Variants in CRX observed in about 807,000 individuals in gnomAD.
CRX encodes the protein cone-rod homeobox, also known as cone-rod homeobox protein.
In CRX, 5 loss-of-function variants were observed where a neutral mutation model predicts 13.1. The observed-to-expected ratio is 0.38, with a 90% CI of 0.20 to 0.80. CRX has a LOEUF of 0.80. Ranked by LOEUF, CRX falls within the 30% of genes least tolerant of loss-of-function variation. The pLI is 0.43. For missense variants in CRX, 351 were observed against 391.8 expected, an observed-to-expected ratio of 0.90 and a Z score of 0.88; for synonymous variants, 179 against 171.1, an observed-to-expected ratio of 1.05 and a Z score of -0.36.
chr19:47,831,981 C>T (rs8107438), intron 1 of CRX, among the ~76,000 whole-genome samples: 1,654 of 143,488 alleles, frequency 0.012, 51 homozygotes, highest in African/African-American at 0.044. Flanking sequence ...TCAGGTGATC[C>T]GCCTGCTTTG....
chr19:47,841,338 C>T lies in CRX; in HGVS notation c.*1371C>T, dbSNP rs1968194228. 3 of 152,122 alleles carry T rather than the reference C, an allele frequency of 2.0e-5. No homozygotes were observed. The highest frequency in any genetic ancestry group is 7.2e-5 in the African/African-American group (3 of 41,426). 9.4% of individuals were successfully genotyped at this position (152,122 alleles called of 1,614,324 possible). Reference sequence around the variant, plus strand: ...GTATTTGGTAGGGAAATGAAAGGCACCTTGCCTGTTCCATCTCTACTCCTT... The same window carrying T: ...GTATTTGGTAGGGAAATGAAAGGCATCTTGCCTGTTCCATCTCTACTCCTT... On this transcript the variant is annotated 3_prime_UTR_variant, in exon 4 of 4. Coordinates refer to ENST00000221996, the MANE Select transcript of CRX (RefSeq NM_000554.6).
intron 1 of CRX, among the ~76,000 whole-genome samples, chr19:47,827,413 T>A (rs1188536239): frequency 6.6e-6 from 1 of 151,796 alleles, no homozygotes; most frequent in Non-Finnish European, 1.5e-5. Context: ...TAATTTTTTT[T>A]TTTTGCCTGG....
In CRX at chr19:47,839,324, G is replaced by A. The variant is rs567952341; in HGVS notation, c.257G>A (p.Trp86Ter). The change falls in exon 4 of 4, where the codon TGG becomes TAG. Residue 86 changes from tryptophan (W) to a stop codon, truncating the protein, a stop_gained. Transcript: ENST00000221996. LOFTEE classifies it low-confidence loss of function (END_TRUNC). This position sits in a 1 kb window ranked among gnomAD's most constrained non-coding sequence, Gnocchi z 4.6. ...INLPESRVQV[W>*]FKNRRAKCRQ... ...ATCTCCGCTCTTATCCCCCAGGTTT[G>A]GTTCAAGAACCGGAGGGCTAAATGC... The A allele has an allele frequency of 6.2e-7, 1 of 1,613,144 alleles. No homozygotes were observed. Among genetic ancestry groups the A allele is most frequent in the African/African-American group, 1.3e-5 (1 of 74,960 alleles).
rs1385269139 is a variant in CRX, at chr19:47,841,408, A to G, written c.*1441A>G. The G allele has an allele frequency of 6.6e-6, 1 of 152,090 alleles. No homozygotes were observed. The highest frequency in any genetic ancestry group is 2.4e-5 in the African/African-American group (1 of 41,396). 9.4% of individuals were successfully genotyped at this position (152,090 alleles called of 1,614,324 possible). On this transcript the variant is annotated 3_prime_UTR_variant, in exon 4 of 4. Coordinates refer to ENST00000221996, the MANE Select transcript of CRX (RefSeq NM_000554.6). Reference sequence around the variant, plus strand: ...TTTCTAAAGGTGAGACACTGGTGGAACTGGGGTAGCTGCTTGGGACGTACC... The same window carrying G: ...TTTCTAAAGGTGAGACACTGGTGGAGCTGGGGTAGCTGCTTGGGACGTACC...
chr19:47,824,739 T>C (rs1967954407), intron 1 of CRX, among the ~76,000 whole-genome samples: 1 of 152,150 alleles, frequency 6.6e-6, no homozygotes, highest in Non-Finnish European at 1.5e-5. Flanking sequence ...GCTGGGAACC[T>C]GGGACCCAGT....
intron 1 of CRX, among the ~76,000 whole-genome samples, chr19:47,826,201 GA>G (rs1239893912): frequency 1.3e-5 from 2 of 152,130 alleles, no homozygotes; most frequent in African/African-American, 4.8e-5. Flanking sequence ...GGGGCTGGGG[GA>G]ATAGGACCTT....
intron 1 of CRX, among the ~76,000 whole-genome samples, chr19:47,827,973 G>A (rs1967996662): frequency 6.8e-6 from 1 of 146,382 alleles, no homozygotes. Flanking sequence ...GGCCAACATG[G>A]TGAAACCCCA....
intron 1 of CRX, among the ~76,000 whole-genome samples, chr19:47,825,990 G>A (rs1967970759): frequency 6.6e-6 from 1 of 152,150 alleles, no homozygotes; most frequent in Non-Finnish European, 1.5e-5. Flanking sequence ...TGGCTTTCCT[G>A]GAAGGTTAAC....
intron 1 of CRX, among the ~76,000 whole-genome samples, chr19:47,832,107 T>G (rs1173074822): frequency 1.0e-5 from 1 of 100,236 alleles, no homozygotes; most frequent in East Asian, 2.1e-4. Context: ...AGCCTTATGT[T>G]TTTTTTTTTT....
At chr19:47,836,503 A>G (rs1306147907) in intron 3 of CRX, 109 bp downstream of exon 3, 1 of 1,424,778 alleles carries the variant, frequency 7.0e-7, no homozygotes, top group African/African-American at 1.4e-5. Flanking sequence ...TGACAGCCAA[A>G]GTTATAAAGG....
chr19:47,839,465 C>T lies in CRX; in HGVS notation c.398C>T (p.Pro133Leu). 6.2e-7 allele frequency: 1 copy of T among 1,614,060 alleles called. No homozygotes were observed. Among genetic ancestry groups the T allele is most frequent in the African/African-American group, 1.3e-5 (1 of 75,044 alleles). ...CCAAGACCCTCCACAGATGTGTGTCCAGACCCTCTGGGCATCTCAGATTCC... is the reference window on the plus strand; with the variant it reads ...CCAAGACCCTCCACAGATGTGTGTCTAGACCCTCTGGGCATCTCAGATTCC... ...TSPRPSTDVC[P>L]DPLGISDSYS... The change falls in exon 4 of 4, where the codon CCA (proline) becomes CTA (leucine). Residue 133 changes from proline (P) to leucine (L), a missense_variant. Pro to Leu is a moderately conservative substitution (Grantham distance 98). This residue lies in a region of CRX where 253 missense variants were observed against 268.3 expected (regional missense o/e 0.94). Coordinates refer to ENST00000221996, the MANE Select transcript of CRX (RefSeq NM_000554.6). The surrounding 1 kb of genome is among the most constrained non-coding windows in gnomAD (Gnocchi z 4.6).
intron 2 of CRX, among the ~76,000 whole-genome samples, chr19:47,834,980 C>A (rs11671190): frequency 1.3e-5 from 2 of 149,340 alleles, no homozygotes; most frequent in Non-Finnish European, 3.0e-5. Flanking sequence ...TGCCTAGGCC[C>A]GGGGGGCACT....
chr19:47,830,999 T>G (rs1333369123), intron 1 of CRX, among the ~76,000 whole-genome samples: 1 of 151,744 alleles, frequency 6.6e-6, no homozygotes, highest in East Asian at 1.9e-4. Flanking sequence ...CTTGTCGAAG[T>G]CTAGACTCTA....
chr19:47,843,315 T>C lies in CRX; in HGVS notation c.*3348T>C, dbSNP rs1968221814. 1 of 152,240 alleles carries C rather than the reference T, an allele frequency of 6.6e-6. No homozygotes were observed. Among genetic ancestry groups the C allele is most frequent in the South Asian group, 2.1e-4 (1 of 4,818 alleles). 9.4% of individuals were successfully genotyped at this position (152,240 alleles called of 1,614,324 possible). Reference sequence around the variant, plus strand: ...CCACAGAGTGAAACCAATTAAAATGTTGGATCTCATTTAAAGTCTGGGTGA... The same window carrying C: ...CCACAGAGTGAAACCAATTAAAATGCTGGATCTCATTTAAAGTCTGGGTGA... On this transcript the variant is annotated 3_prime_UTR_variant, in exon 4 of 4. Transcript: ENST00000221996.
intron 1 of CRX, among the ~76,000 whole-genome samples, chr19:47,827,836 T>TAAAAA (rs1156465404): frequency 1.7e-4 from 7 of 41,756 alleles, no homozygotes; most frequent in African/African-American, 7.0e-4. Flanking sequence ...GCATCTTTAT[T>TAAAAA]AAAAAAAAAA....
chr19:47,839,508 C>A lies in CRX; in HGVS notation c.441C>A (p.Pro147=), dbSNP rs147422878. The change falls in exon 4 of 4, where the codon CCC becomes CCA. Residue 147 remains proline, a synonymous_variant. Coordinates refer to ENST00000221996, the MANE Select transcript of CRX (RefSeq NM_000554.6). This position sits in a 1 kb window ranked among gnomAD's most constrained non-coding sequence, Gnocchi z 4.6. ...GISDSYSPPL[P]GPSGSPTTAV... is the part of the protein sequence containing the mutation. ...CAGATTCCTACAGTCCCCCTCTGCC[C>A]GGCCCCTCAGGCTCCCCAACCACGG... is the stretch of plus-strand genomic sequence containing the variant. The A allele has an allele frequency of 4.3e-6, 7 of 1,613,748 alleles. No homozygotes were observed. The highest frequency in any genetic ancestry group is 2.2e-5 in the East Asian group (1 of 44,878).
At chr19:47,837,236 G>T (rs1453447414) in intron 3 of CRX, among the ~76,000 whole-genome samples, 2 of 152,234 alleles carry the variant, frequency 1.3e-5, no homozygotes, top group South Asian at 2.1e-4. Flanking sequence ...GCATGATCTT[G>T]GCTCACTGCA....
At position 47,839,831 on chromosome 19, in the gene CRX, G is replaced by A; in HGVS notation, c.764G>A (p.Gly255Asp). 1 of 1,614,066 alleles carries A rather than the reference G, an allele frequency of 6.2e-7. No homozygotes were observed. The highest frequency in any genetic ancestry group is 8.5e-7 in the Non-Finnish European group (1 of 1,179,998). ...GCCCAGTCCCCCACCTCCCTATCAG[G>A]CCAGAGCTATGGCGCCTACAGCCCC... ...SLAQSPTSLSGQSYGAYSPVD... is the reference protein window; with the variant it reads ...SLAQSPTSLSDQSYGAYSPVD... The change falls in exon 4 of 4, where the codon GGC becomes GAC. Residue 255 changes from glycine to aspartate, a missense_variant. Transcript: ENST00000221996. This position sits in a 1 kb window ranked among gnomAD's most constrained non-coding sequence, Gnocchi z 4.6.
intron 1 of CRX, among the ~76,000 whole-genome samples, chr19:47,823,149 G>A (rs1967932283): frequency 6.6e-6 from 1 of 152,134 alleles, no homozygotes; most frequent in Non-Finnish European, 1.5e-5. Flanking sequence ...CCCCTGTCAG[G>A]AGGGCTGAGG....
Sources: gnomAD v4.1 joint callset for allele counts (sites outside exome capture counted in the v4.1 genomes callset) on GRCh38, gnomAD v4.1.1 for gene constraint, gnomAD v4.1.1 regional missense constraint, Gnocchi (gnomAD v3.1) non-coding constraint, MANE v1.5 for transcripts, NCBI Gene and HGNC (gene_info 2026-07-23, HGNC 2026-07-21) for gene names.